Variants in CBFA2T3 observed in about 807,000 individuals in gnomAD.
The protein encoded by CBFA2T3 is transcriptional corepressor CBFA2T3.
A neutral mutation model predicts 58.6 loss-of-function variants in CBFA2T3; 31 were observed. That is an observed-to-expected ratio of 0.53 (90% CI 0.40 to 0.71). The LOEUF (loss-of-function observed/expected upper bound fraction) is 0.71, where lower values mean the gene tolerates loss of function less well. Ranked by LOEUF, CBFA2T3 falls within the 30% of genes least tolerant of loss-of-function variation. CBFA2T3 has a pLI of 0.00. For synonymous variants in CBFA2T3, 531 were observed against 421.9 expected (o/e 1.26, Z -3.17); for missense variants, 1,076 against 963.1 (o/e 1.12, Z -1.55).
intron 1 of CBFA2T3, among the ~76,000 whole-genome samples, chr16:88,932,553 G>A (rs1295523429): frequency 6.6e-6 from 1 of 151,944 alleles, no homozygotes; most frequent in Non-Finnish European, 1.5e-5. Flanking sequence ...AGGCTGAAGG[G>A]GGAGGATCGC....
chr16:88,888,740 C>T lies in CBFA2T3; in HGVS notation c.712-2598G>A, dbSNP rs1008958171. Among the ~76,000 whole-genome samples, 5 of 151,656 alleles carry T rather than the reference C, an allele frequency of 3.3e-5. No homozygotes were observed. The East Asian group carries it at 9.8e-4, about 30-fold the overall frequency. ...ATTTTTTATTTTTGAATCCTCCTGG[C>T]CTCCCCCTAGAAGCGCCATGTCAGA... On this transcript the variant is annotated intron_variant, in intron 5 of 11. Transcript: ENST00000268679.
intron 1 of CBFA2T3, among the ~76,000 whole-genome samples, chr16:88,960,822 C>T (rs546504119): frequency 1.3e-5 from 2 of 152,214 alleles, no homozygotes; most frequent in Non-Finnish European, 2.9e-5. Context: ...TGACATAATC[C>T]TATTGGCTAC....
intron 4 of CBFA2T3, 130 bp from the exon 5 acceptor site, chr16:88,892,101 A>G: frequency 7.4e-7 from 1 of 1,355,460 alleles, no homozygotes; most frequent in Non-Finnish European, 1.0e-6. Context: ...GCACGGCCTG[A>G]GAGGGTGCAG....
intron 9 of CBFA2T3, 44 bp from the exon 10 acceptor site, chr16:88,880,832 CCCCT>C: frequency 6.5e-7 from 1 of 1,529,342 alleles, no homozygotes; most frequent in Non-Finnish European, 8.9e-7. Context: ...CACGCGGCTG[CCCCT>C]CCCACGCTGG....
chr16:88,884,575 C>G (rs546495672), intron 7 of CBFA2T3: 1 of 156,554 alleles, frequency 6.4e-6, no homozygotes, highest in South Asian at 2.0e-4. Context: ...GTTATCCACA[C>G]CAGCCTGGCC....
chr16:88,904,551 C>T (rs1429036962), intron 1 of CBFA2T3, among the ~76,000 whole-genome samples: 1 of 152,248 alleles, frequency 6.6e-6, no homozygotes, highest in African/African-American at 2.4e-5. Context: ...TGCAAAGAGG[C>T]AGCAGGTCTG....
intron 1 of CBFA2T3, among the ~76,000 whole-genome samples, chr16:88,923,101 T>A (rs1970974403): frequency 6.6e-6 from 1 of 152,108 alleles, no homozygotes; most frequent in Non-Finnish European, 1.5e-5. Context: ...TCTCCCCAAT[T>A]CGCCAAATGT....
chr16:88,900,184 G>A (rs77673427), intron 2 of CBFA2T3, among the ~76,000 whole-genome samples: 239 of 152,380 alleles, frequency 1.6e-3, no homozygotes, highest in African/African-American at 5.5e-3. Flanking sequence ...GGGAGTAGCC[G>A]TTAGGCTGTT....
At chr16:88,945,285 A>G (rs778959984) in intron 1 of CBFA2T3, among the ~76,000 whole-genome samples, 3 of 152,238 alleles carry the variant, frequency 2.0e-5, no homozygotes, top group Non-Finnish European at 4.4e-5. Flanking sequence ...CACCAAAAGC[A>G]TGATGCATAC....
chr16:88,881,656 G>T, intron 8 of CBFA2T3, 167 bp from the exon 9 acceptor site: 1 of 660,894 alleles, frequency 1.5e-6, no homozygotes, highest in Non-Finnish European at 2.5e-6. Flanking sequence ...TTGCAAAGAT[G>T]GGTCCCTAGC....
chr16:88,938,874 G>C (rs1049106435), intron 1 of CBFA2T3: 2 of 152,258 alleles, frequency 1.3e-5, no homozygotes, highest in South Asian at 4.1e-4. Flanking sequence ...TAACGGTGCA[G>C]CAGGGAAGGG....
At chr16:88,879,159 G>A (rs1048314894) in intron 11 of CBFA2T3, 111 bp downstream of exon 11, 17 of 933,232 alleles carry the variant, frequency 1.8e-5, no homozygotes, top group Admixed American at 4.4e-5. Flanking sequence ...CAGGATGCCC[G>A]TGACAACTGT....
chr16:88,877,250 G>A lies in CBFA2T3; in HGVS notation c.1688C>T (p.Ala563Val). 6.4e-7 allele frequency: 1 copy of A among 1,553,026 alleles called. No homozygotes were observed. Among genetic ancestry groups the A allele is most frequent in the Non-Finnish European group, 8.7e-7 (1 of 1,148,874 alleles). Residue 563 changes from alanine to valine, a missense_variant, in exon 12 of 12, where the codon GCC (alanine) becomes GTC (valine). Coordinates refer to ENST00000268679, the MANE Select transcript of CBFA2T3 (RefSeq NM_005187.6). The part of the protein sequence containing the change: ...SESCWNCGRK[A>V]SETCSGCNAA... The stretch of plus-strand genomic sequence containing the variant: ...GTTGCAGCCGCTGCACGTCTCACTG[G>A]CTTTCCGCCCGCAGTTCCAGCAGCT...
At chr16:88,879,581 C>G in intron 10 of CBFA2T3, 121 bp from the exon 11 acceptor site, 1 of 845,178 alleles carries the variant, frequency 1.2e-6, no homozygotes, top group Non-Finnish European at 1.9e-6. Flanking sequence ...CACGTACCAT[C>G]TGTGCACACA....
chr16:88,935,187 C>T (rs1887927162), intron 1 of CBFA2T3, among the ~76,000 whole-genome samples: 3 of 152,224 alleles, frequency 2.0e-5, no homozygotes, highest in Admixed American at 1.3e-4. Context: ...ACGCTGCCCC[C>T]GGTCAGGGGC....
chr16:88,966,492 C>T (rs2142874381), intron 1 of CBFA2T3, among the ~76,000 whole-genome samples: 1 of 151,664 alleles, frequency 6.6e-6, no homozygotes, highest in Admixed American at 6.5e-5. Context: ...CCACCAAACC[C>T]ATGTCCAGAC....
At chr16:88,911,405 C>T (rs1338084285) in intron 1 of CBFA2T3, among the ~76,000 whole-genome samples, 1 of 152,258 alleles carries the variant, frequency 6.6e-6, no homozygotes, top group Non-Finnish European at 1.5e-5. Flanking sequence ...GGGTAAGATG[C>T]AGTGCCTCTT....
Position 88,876,096 on chromosome 16 carries a change from A to G in CBFA2T3, c.*880T>C, listed in dbSNP as rs1011164266. The G allele has an allele frequency of 4.3e-6, 1 of 232,826 alleles. No individual in the cohort carries two copies. The highest frequency in any genetic ancestry group is 8.5e-6 in the Non-Finnish European group (1 of 117,626). The allele number at this position is 232,826 out of a possible 1,614,324, so 14.4% of individuals were successfully genotyped here. On this transcript the variant is annotated 3_prime_UTR_variant, in exon 12 of 12. Coordinates refer to ENST00000268679, the MANE Select transcript of CBFA2T3 (RefSeq NM_005187.6). ...CCAAGAGCAAGTGAAACAGTGAAAAAAATACTTTGGCAGTGACAAACAAAT... is the reference window on the plus strand; with the variant it reads ...CCAAGAGCAAGTGAAACAGTGAAAAGAATACTTTGGCAGTGACAAACAAAT...
chr16:88,876,773 G>A lies in CBFA2T3; in HGVS notation c.*203C>T, dbSNP rs1287217485. On this transcript the variant is annotated 3_prime_UTR_variant, in exon 12 of 12. Coordinates refer to ENST00000268679, the MANE Select transcript of CBFA2T3 (RefSeq NM_005187.6). ...GAATCATTAGGTAGCTGAGGCAGGT[G>A]CACTGAATGCGGTTTTGTTGGTTCT... 4 of 490,498 alleles carry A rather than the reference G, an allele frequency of 8.2e-6. No homozygotes were observed. Among genetic ancestry groups the A allele is most frequent in the Non-Finnish European group, 1.4e-5 (4 of 282,960 alleles). The allele number at this position is 490,498 out of a possible 1,614,324, so 30.4% of individuals were successfully genotyped here. A position where few individuals can be genotyped will look rare whatever the true frequency, so the allele number is the denominator to read the frequency against.
Sources: gnomAD v4.1 joint callset for allele counts (sites outside exome capture counted in the v4.1 genomes callset) on GRCh38, gnomAD v4.1.1 for gene constraint, MANE v1.5 for transcripts, NCBI Gene and HGNC (gene_info 2026-07-23, HGNC 2026-07-21) for gene names.